Variants in ACAP3 observed in about 807,000 individuals in gnomAD.
The protein encoded by ACAP3 is arf-GAP with coiled-coil, ANK repeat and PH domain-containing protein 3.
In ACAP3, 56 loss-of-function variants were observed where a neutral mutation model predicts 104.1. The observed-to-expected ratio is 0.54, with a 90% CI of 0.43 to 0.67. The LOEUF (loss-of-function observed/expected upper bound fraction) is 0.67, where lower values mean the gene tolerates loss of function less well. ACAP3 is among the 30% of genes least tolerant of loss of function. The pLI is 0.00. For missense variants in ACAP3, 1,208 were observed against 1,174.9 expected (o/e 1.03, Z -0.41); for synonymous variants, 628 against 496.2 (o/e 1.27, Z -3.53).
chr1:1,306,583 G>A (rs1319538240), intron 1 of ACAP3, among the ~76,000 whole-genome samples: 10 of 152,194 alleles, frequency 6.6e-5, no homozygotes, highest in African/African-American at 9.7e-5. Flanking sequence ...CTCCTGGTGA[G>A]GGCTCCAGGG....
chr1:1,298,854 A>G, intron 10 of ACAP3, 175 bp from the exon 11 acceptor site: 1 of 609,474 alleles, frequency 1.6e-6, no homozygotes, highest in Non-Finnish European at 2.9e-6. Flanking sequence ...TGACCTGAGC[A>G]AGGCCCCCAG....
rs776559220 is a variant in ACAP3 at position 1,304,116 on chromosome 1, G to A, written c.75C>T (p.Asp25=). 2.1e-5 allele frequency: 33 copies of A among 1,550,570 alleles called. No homozygotes were observed. Among genetic ancestry groups the A allele is most frequent in the Admixed American group, 3.9e-5 (2 of 50,980 alleles). The change falls in exon 2 of 24, where the codon GAC becomes GAT. Residue 25 remains aspartate (D), a synonymous_variant. Coordinates refer to ENST00000354700, the MANE Select transcript of ACAP3 (RefSeq NM_030649.3). Reference sequence around the variant, plus strand: ...CCAGTTTGGCCTCAATCTCCACCACGTCCGTCTCCACCTCGTCAATGGTCG... The same window carrying A: ...CCAGTTTGGCCTCAATCTCCACCACATCCGTCTCCACCTCGTCAATGGTCG... ...FRATIDEVET[D]VVEIEAKLDK...
At position 1,307,440 on chromosome 1, in the gene ACAP3, C is replaced by G. The variant is rs1641785107; in HGVS notation, c.47+329G>C. 5.4e-6 allele frequency: 7 copies of G among 1,295,392 alleles called. No individual in the cohort carries two copies. The South Asian group carries it at 8.6e-5, about 16-fold the overall frequency. The allele number at this position is 1,295,392 out of a possible 1,614,324, so 80.2% of individuals were successfully genotyped here. ...CCGACGCCCCCACGGACCCAGACGA[C>G]CCTGGCCAGAGCTGGACTGCAGGGC... On this transcript the variant is annotated intron_variant, in intron 1 of 23. Transcript: ENST00000354700.
Position 1,294,504 on chromosome 1 carries a change from G to T in ACAP3, c.2037C>A (p.Arg679=). 6.6e-7 allele frequency: 1 copy of T among 1,525,662 alleles called. No homozygotes were observed. The allele number at this position is 1,525,662 out of a possible 1,614,324, so 94.5% of individuals were successfully genotyped here. Residue 679 remains arginine, a synonymous_variant, in exon 21 of 24, where the codon CGC becomes CGA. Transcript: ENST00000354700. The stretch of plus-strand genomic sequence containing the variant: ...GCGCCGCCGCCAGCGCAGGAAGGTC[G>T]CGGGCACGCGCTGCGCGGTGCGCCA... The part of the protein sequence containing the change: ...GLLAHRAARA[R]DLPALAAALA...
At chr1:1,306,464 G>A (rs1362287208) in intron 1 of ACAP3, among the ~76,000 whole-genome samples, 1 of 152,170 alleles carries the variant, frequency 6.6e-6, no homozygotes, top group Non-Finnish European at 1.5e-5. Context: ...CCTTTTCCCA[G>A]GTCAGCAACA....
Position 1,294,802 on chromosome 1 carries a change from T to A in ACAP3, c.1828A>T (p.Ser610Cys). 2 of 1,549,852 alleles carry A rather than the reference T, an allele frequency of 1.3e-6. No individual in the cohort carries two copies. Among genetic ancestry groups the A allele is most frequent in the Non-Finnish European group, 1.7e-6 (2 of 1,146,706 alleles). Residue 610 changes from serine to cysteine, a missense_variant, in exon 20 of 24, where the codon AGT becomes TGT. Transcript: ENST00000354700. ...CCATCCGAGCTGCCCCCAAGGCCAC[T>A]GTCGCTACTCAGACCTGCAGGTCCG... ...GAGPRSLSSD[S>C]GLGGSSDGSS...
rs549326030 is a variant in ACAP3 at position 1,302,129 on chromosome 1, G to A, written c.280-83C>T. On this transcript the variant is annotated intron_variant, in intron 4 of 23. Transcript: ENST00000354700. ...AAGGCCCCATCCTCACCAGCAGAGG[G>A]CACTGCCCCCAGGCCCAGATGCAGG... 10 of 1,246,262 alleles carry A rather than the reference G, an allele frequency of 8.0e-6. No homozygotes were observed. The South Asian group carries it at 2.2e-4, about 28-fold the overall frequency. The allele number at this position is 1,246,262 out of a possible 1,614,324, so 77.2% of individuals were successfully genotyped here. A position where few individuals can be genotyped will look rare whatever the true frequency, so the allele number is the denominator to read the frequency against.
intron 21 of ACAP3, 22 bp downstream of exon 21, chr1:1,294,380 G>C (rs1165142125): frequency 1.3e-6 from 2 of 1,556,672 alleles, no homozygotes; most frequent in Non-Finnish European, 1.7e-6. Flanking sequence ...TGTCCTGCGC[G>C]CAGCCCCCGT....
intron 14 of ACAP3, 120 bp from the exon 15 acceptor site, chr1:1,296,753 G>A (rs1479920310): frequency 3.3e-5 from 35 of 1,049,976 alleles, no homozygotes; most frequent in Non-Finnish European, 4.3e-5. Flanking sequence ...GCACACGCCC[G>A]CACACGCACG....
chr1:1,303,800 G>A lies in ACAP3; in HGVS notation c.105+286C>T, dbSNP rs34272775. The A allele has an allele frequency of 0.14, 66,262 of 486,576 alleles. 5,517 individuals are homozygous for A. The highest frequency in any genetic ancestry group is 0.27 in the East Asian group (7,296 of 27,090). 30.1% of individuals were successfully genotyped at this position (486,576 alleles called of 1,614,324 possible). ...CTCAGCCCACACAGCAGCTGTCCCC[G>A]TGTCACCAGCCCAGCAGAGGGGACG... On this transcript the variant is annotated intron_variant, in intron 2 of 23. Transcript: ENST00000354700. This position sits in a 1 kb window ranked among gnomAD's most constrained non-coding sequence, Gnocchi z 4.0.
chr1:1,303,828 C>T lies in ACAP3; in HGVS notation c.105+258G>A. On this transcript the variant is annotated intron_variant, in intron 2 of 23. Transcript: ENST00000354700. This position sits in a 1 kb window ranked among gnomAD's most constrained non-coding sequence, Gnocchi z 4.0. ...TCACCAGCCCAGCAGAGGGGACGGG[C>T]AGCCACCGTGGGTCGGGGACTCACC... The T allele has an allele frequency of 1.8e-6, 1 of 567,540 alleles. No individual in the cohort carries two copies. Among genetic ancestry groups the T allele is most frequent in the Non-Finnish European group, 3.1e-6 (1 of 318,680 alleles). The allele number at this position is 567,540 out of a possible 1,614,324, so 35.2% of individuals were successfully genotyped here.
intron 5 of ACAP3, 26 bp from the exon 6 acceptor site, chr1:1,300,718 G>A (rs1234111145): frequency 1.9e-6 from 3 of 1,595,760 alleles, no homozygotes; most frequent in Non-Finnish European, 2.6e-6. Context: ...CAGGTGGGGT[G>A]AGAGATCAGG....
intron 1 of ACAP3, among the ~76,000 whole-genome samples, chr1:1,306,624 T>C (rs933549628): frequency 4.6e-5 from 7 of 152,152 alleles, no homozygotes; most frequent in Non-Finnish European, 4.4e-5. Flanking sequence ...TCCACACACA[T>C]GCTGACTTGC....
chr1:1,299,658 C>G (rs774125654), intron 9 of ACAP3, 173 bp downstream of exon 9: 6 of 813,424 alleles, frequency 7.4e-6, no homozygotes, highest in Non-Finnish European at 1.2e-5. Context: ...CCCACACGTG[C>G]CCCTCCACTG....
rs1316279345 is a variant in ACAP3 at position 1,294,625 on chromosome 1, C to T, written c.1916G>A (p.Gly639Asp). ...ACCGCTGGACTCCTCCGACTCTGCA[C>T]CCTCTGTGGGGAGGGGGCGGTCAGG... is the stretch of plus-strand genomic sequence containing the variant. ...SVVDSVTEEEGAESEESSGEA... is the reference protein window; with the variant it reads ...SVVDSVTEEEDAESEESSGEA... The change falls in exon 21 of 24, where the codon GGT becomes GAT. Residue 639 changes from glycine (G) to aspartate (D), a missense_variant. Gly to Asp is a moderately conservative substitution (Grantham distance 94). Transcript: ENST00000354700. 2.0e-6 allele frequency: 3 copies of T among 1,530,066 alleles called. No individual in the cohort carries two copies. The highest frequency in any genetic ancestry group is 1.2e-5 in the South Asian group (1 of 82,044). 94.8% of individuals were successfully genotyped at this position (1,530,066 alleles called of 1,614,324 possible).
rs1281163093 is a variant in ACAP3, at chr1:1,295,543, C to G, written c.1717G>C (p.Asp573His). ...AGGGAGTCTCGGCGGAACTTACGATCCAGGGTGCCCACTGCAGGGGCAGTG... is the reference window on the plus strand; with the variant it reads ...AGGGAGTCTCGGCGGAACTTACGATGCAGGGTGCCCACTGCAGGGGCAGTG... ...VAALSSVGTL[D>H]RKFRRDSLFC... Residue 573 changes from aspartate (D) to histidine (H), a missense_variant, in exon 19 of 24, where the codon GAT (aspartate) becomes CAT (histidine). By Grantham distance (81) the Asp-to-His change is moderately conservative (BLOSUM62 -1). Coordinates refer to ENST00000354700, the MANE Select transcript of ACAP3 (RefSeq NM_030649.3). The G allele has an allele frequency of 1.9e-6, 3 of 1,612,542 alleles. No individual in the cohort carries two copies. Among genetic ancestry groups the G allele is most frequent in the Non-Finnish European group, 1.7e-6 (2 of 1,179,862 alleles).
chr1:1,303,003 G>A lies in ACAP3; in HGVS notation c.226-28C>T, dbSNP rs1342720229. ...GGAGGAGCAGATGGGAACCCGTGCTGAGATGGCAAATCCGGGCCCAGGTCA... is the reference window on the plus strand; with the variant it reads ...GGAGGAGCAGATGGGAACCCGTGCTAAGATGGCAAATCCGGGCCCAGGTCA... On this transcript the variant is annotated intron_variant, in intron 3 of 23. Transcript: ENST00000354700. This position sits in a 1 kb window ranked among gnomAD's most constrained non-coding sequence, Gnocchi z 4.0. 11 of 1,601,218 alleles carry A rather than the reference G, an allele frequency of 6.9e-6. No individual in the cohort carries two copies. The highest frequency in any genetic ancestry group is 7.7e-6 in the Non-Finnish European group (9 of 1,173,468).
In ACAP3 at chr1:1,295,016, G is replaced by C. The variant is rs532514802; in HGVS notation, c.1814-200C>G. On this transcript the variant is annotated intron_variant, in intron 19 of 23. Transcript: ENST00000354700. ...CAAATAACAGCTCAAAGGTGCCAGGGGTAGCCCCCTAAAGCCCAGGCCTTT... is the reference window on the plus strand; with the variant it reads ...CAAATAACAGCTCAAAGGTGCCAGGCGTAGCCCCCTAAAGCCCAGGCCTTT... The C allele has an allele frequency of 4.7e-5, 28 of 594,000 alleles. No homozygotes were observed. In the African/African-American group the frequency reaches 5.2e-4, roughly 11 times the overall value. The allele number at this position is 594,000 out of a possible 1,614,324, so 36.8% of individuals were successfully genotyped here.
chr1:1,304,075 C>T lies in ACAP3; in HGVS notation c.105+11G>A. The T allele has an allele frequency of 2.6e-6, 4 of 1,550,538 alleles. No homozygotes were observed. Among genetic ancestry groups the T allele is most frequent in the Non-Finnish European group, 3.5e-6 (4 of 1,146,850 alleles). ...TGGCCGGGCACAGGGCGCTCCAGGC[C>T]CGCCCTTCACCTTGTCCAGTTTGGC... On this transcript the variant is annotated intron_variant, in intron 2 of 23. Transcript: ENST00000354700.
Sources: allele counts gnomAD v4.1 joint callset (sites outside exome capture counted in the v4.1 genomes callset), GRCh38; gene constraint gnomAD v4.1.1; non-coding constraint Gnocchi (gnomAD v3.1); transcripts MANE v1.5; gene names NCBI Gene and HGNC (gene_info 2026-07-23, HGNC 2026-07-21).